The following LRRC43 variants were observed in gnomAD, a reference collection of about 807,000 sequenced individuals.
The protein encoded by LRRC43 is leucine-rich repeat-containing protein 43.
In LRRC43, 62 loss-of-function variants were observed where a neutral mutation model predicts 64.3. The ratio of observed to expected loss-of-function variants is 0.96; its 90% confidence interval spans 0.79 to 1.19. The LOEUF (loss-of-function observed/expected upper bound fraction) is 1.19. Ranked by LOEUF, LRRC43 falls within the 50% of genes most tolerant of loss-of-function variation. The pLI is 0.00. For synonymous variants in LRRC43, 422 were observed against 382.3 expected (o/e 1.10, Z -1.21); for missense variants, 868 against 845.0 (o/e 1.03, Z -0.34).
upstream of LRRC43, among the ~76,000 whole-genome samples, chr12:122,180,815 C>T (rs1337846942): frequency 2.0e-5 from 3 of 152,198 alleles, no homozygotes; most frequent in Non-Finnish European, 4.4e-5. Flanking sequence ...TCTTCTCTTC[C>T]TTCACTGCAC....
chr12:122,198,622 CCTTT>C (rs1224895035), intron 7 of LRRC43, among the ~76,000 whole-genome samples: 1 of 135,592 alleles, frequency 7.4e-6, no homozygotes, highest in African/African-American at 3.2e-5. Context: ...GTGCTTCATT[CCTTT>C]TTTTTTTTTT....
In LRRC43 at chr12:122,187,806, C is replaced by T; in HGVS notation, c.628C>T (p.Pro210Ser). Residue 210 changes from proline (P) to serine (S), a missense_variant, in exon 4 of 12, where the codon CCC becomes TCC. Physicochemically the swap from Pro to Ser is moderately conservative, Grantham distance 74. Coordinates refer to ENST00000339777, the MANE Select transcript of LRRC43 (RefSeq NM_001098519.2). Reference protein sequence around the residue: ...LGLGHNKLLGPLESLYVTANH... With the variant: ...LGLGHNKLLGSLESLYVTANH... ...GTTAGGCCACAACAAACTTCTAGGC[C>T]CCTTGGAAAGTCTCTACGTCACCGC... The T allele has an allele frequency of 6.2e-7, 1 of 1,614,092 alleles. No homozygotes were observed. The highest frequency in any genetic ancestry group is 8.5e-7 in the Non-Finnish European group (1 of 1,180,014).
At chr12:122,180,700 T>C (rs542936619), upstream of LRRC43, among the ~76,000 whole-genome samples, 4 of 152,140 alleles carry the variant, frequency 2.6e-5, no homozygotes, top group South Asian at 6.2e-4. Context: ...CTGACCTCAT[T>C]CCTGAGCTCT....
chr12:122,200,010 A>G lies in LRRC43; in HGVS notation c.1350-179A>G, dbSNP rs943286960. On this transcript the variant is annotated intron_variant, in intron 7 of 11. Coordinates refer to ENST00000339777, the MANE Select transcript of LRRC43 (RefSeq NM_001098519.2). The surrounding 1 kb of genome is among the most constrained non-coding windows in gnomAD (Gnocchi z 4.6). ...CTTTTGCTGTCTCCTCTGTATCCAC[A>G]CCTTTCTGGCCTTCTGGTCCCCTTG... 6.6e-6 allele frequency among the ~76,000 whole-genome samples: 1 copy of G among 151,800 alleles called. No individual in the cohort carries two copies. Among genetic ancestry groups the G allele is most frequent in the Non-Finnish European group, 1.5e-5 (1 of 67,936 alleles).
intron 1 of LRRC43, among the ~76,000 whole-genome samples, chr12:122,176,431 T>C (rs541952821): frequency 6.6e-6 from 1 of 152,206 alleles, no homozygotes; most frequent in African/African-American, 2.4e-5. Context: ...GCCTGGGTTT[T>C]ATTCCACATG....
At chr12:122,173,083 C>T (rs1953503464) in intron 1 of LRRC43, among the ~76,000 whole-genome samples, 1 of 152,152 alleles carries the variant, frequency 6.6e-6, no homozygotes, top group East Asian at 1.9e-4. Context: ...GTTAAAGCCA[C>T]GCACGCTCCA....
intron 1 of LRRC43, among the ~76,000 whole-genome samples, chr12:122,168,594 A>G (rs747876674): frequency 1.3e-5 from 2 of 152,092 alleles, no homozygotes; most frequent in Non-Finnish European, 1.5e-5. Flanking sequence ...GACCTATTTT[A>G]AGTAATTTTA....
At chr12:122,169,428 A>C (rs1721470120) in intron 1 of LRRC43, among the ~76,000 whole-genome samples, 1 of 152,062 alleles carries the variant, frequency 6.6e-6, no homozygotes, top group South Asian at 2.1e-4. Flanking sequence ...TATTAATTAG[A>C]ATTCTAGTTG....
chr12:122,193,849 C>T (rs748399017), intron 7 of LRRC43, among the ~76,000 whole-genome samples: 11 of 152,322 alleles, frequency 7.2e-5, no homozygotes, highest in Non-Finnish European at 5.9e-5. Context: ...CGTCAGCCAT[C>T]GCGCCCAGCC....
In LRRC43 at chr12:122,193,130, C is replaced by T. The variant is rs894581752; in HGVS notation, c.1349+126C>T. 22 of 987,104 alleles carry T rather than the reference C, an allele frequency of 2.2e-5. No individual in the cohort carries two copies. In the Middle Eastern group the frequency reaches 9.8e-4, roughly 44 times the overall value. The allele number at this position is 987,104 out of a possible 1,614,324, so 61.1% of individuals were successfully genotyped here. Reference sequence around the variant, plus strand: ...GCGCGGTGGCTCACGTCTGTAATCCCGGCACTTTGGGAGGCAGAGGCGGGC... The same window carrying T: ...GCGCGGTGGCTCACGTCTGTAATCCTGGCACTTTGGGAGGCAGAGGCGGGC... On this transcript the variant is annotated intron_variant, in intron 7 of 11. Coordinates refer to ENST00000339777, the MANE Select transcript of LRRC43 (RefSeq NM_001098519.2).
intron 7 of LRRC43, among the ~76,000 whole-genome samples, chr12:122,193,251 G>C (rs1051483285): frequency 2.6e-5 from 4 of 151,768 alleles, no homozygotes; most frequent in African/African-American, 7.3e-5. Context: ...CGTGGTGGCA[G>C]GCGCCTGTAG....
At chr12:122,179,969 C>CAAAA (rs59930172), upstream of LRRC43, among the ~76,000 whole-genome samples, 4 of 46,608 alleles carry the variant, frequency 8.6e-5, no homozygotes, top group Admixed American at 2.1e-4. Flanking sequence ...GACTCCGTCT[C>CAAAA]AAAAAAAAAA....
chr12:122,169,655 G>T (rs559191019), intron 1 of LRRC43, among the ~76,000 whole-genome samples: 1 of 144,894 alleles, frequency 6.9e-6, no homozygotes, highest in South Asian at 2.2e-4. Context: ...GGCAGAGGTT[G>T]CAGTGAGCCG....
At chr12:122,186,115 C>T in intron 2 of LRRC43, 75 bp from the exon 3 acceptor site, 1 of 803,408 alleles carries the variant, frequency 1.2e-6, no homozygotes, top group Non-Finnish European at 2.1e-6. Context: ...CCGCTGTCTT[C>T]CTAATGTGGA....
rs548677215 is a variant in LRRC43 at position 122,184,427 on chromosome 12, G to A, written c.151-92G>A. ...AGATTTCTAAACTCTATCCCTAATC[G>A]TCCAGTTTTATGATCTGTTCTGTTT... On this transcript the variant is annotated intron_variant, in intron 1 of 11. Transcript: ENST00000339777. The surrounding 1 kb of genome is among the most constrained non-coding windows in gnomAD (Gnocchi z 4.0). 30 of 1,461,594 alleles carry A rather than the reference G, an allele frequency of 2.1e-5. No homozygotes were observed. The highest frequency in any genetic ancestry group is 1.3e-4 in the South Asian group (10 of 75,660). The allele number at this position is 1,461,594 out of a possible 1,614,324, so 90.5% of individuals were successfully genotyped here.
chr12:122,200,744 A>T lies in LRRC43; in HGVS notation c.1621-2A>T, dbSNP rs773501206. The stretch of plus-strand genomic sequence containing the variant: ...CACCCTCCTGTCCTCCCGTCGTCGC[A>T]GGAGTGGAAGGTGCTGAAGAAGAAG... On this transcript the variant is annotated splice_acceptor_variant, in intron 9 of 11. Coordinates refer to ENST00000339777, the MANE Select transcript of LRRC43 (RefSeq NM_001098519.2). LOFTEE classifies it high-confidence loss of function. This position sits in a 1 kb window ranked among gnomAD's most constrained non-coding sequence, Gnocchi z 4.6. 3 of 1,613,060 alleles carry T rather than the reference A, an allele frequency of 1.9e-6. No individual in the cohort carries two copies. Among genetic ancestry groups the T allele is most frequent in the Non-Finnish European group, 2.5e-6 (3 of 1,180,006 alleles).
At chr12:122,173,798 G>T in intron 1 of LRRC43, 1 of 1,562,672 alleles carries the variant, frequency 6.4e-7, no homozygotes, top group Non-Finnish European at 8.8e-7. Context: ...GCAATGGAAG[G>T]CATTTTTAAG....
At chr12:122,174,849 T>TC (rs1953523435) in intron 1 of LRRC43, among the ~76,000 whole-genome samples, 1 of 151,588 alleles carries the variant, frequency 6.6e-6, no homozygotes, top group South Asian at 2.1e-4. Flanking sequence ...TTTTTCTTTT[T>TC]TTTTTTTTTG....
At chr12:122,192,284 G>A (rs898035920) in intron 6 of LRRC43, among the ~76,000 whole-genome samples, 3 of 152,022 alleles carry the variant, frequency 2.0e-5, no homozygotes, top group African/African-American at 4.8e-5. Context: ...TTACAGGCTC[G>A]CGCCACCATA....
Sources: gnomAD v4.1 joint callset for allele counts (sites outside exome capture counted in the v4.1 genomes callset) on GRCh38, gnomAD v4.1.1 for gene constraint, Gnocchi (gnomAD v3.1) non-coding constraint, MANE v1.5 for transcripts, NCBI Gene and HGNC (gene_info 2026-07-23, HGNC 2026-07-21) for gene names.